The following SPATA17 variants were observed in gnomAD, a reference collection of about 807,000 sequenced individuals.
SPATA17 encodes the protein spermatogenesis associated 17.
In SPATA17, 53 loss-of-function variants were observed where a neutral mutation model predicts 62.2. That is an observed-to-expected ratio of 0.85 (90% CI 0.68 to 1.07). The LOEUF is 1.07. Ranked by LOEUF, SPATA17 falls within the 50% of genes least tolerant of loss-of-function variation. The pLI is 0.00. For synonymous variants in SPATA17, 146 were observed against 146.8 expected (o/e 0.99, Z 0.04); for missense variants, 466 against 425.5 (o/e 1.10, Z -0.84).
At chr1:217,826,778 A>G (rs562322198) in intron 9 of SPATA17, among the ~76,000 whole-genome samples, 2 of 152,228 alleles carry the variant, frequency 1.3e-5, no homozygotes, top group African/African-American at 4.8e-5. Context: ...ATGAAATTGC[A>G]TTCCGAAGTG....
chr1:217,856,866 G>C (rs985924629), intron 9 of SPATA17, among the ~76,000 whole-genome samples: 1 of 152,156 alleles, frequency 6.6e-6, no homozygotes, highest in Non-Finnish European at 1.5e-5. Flanking sequence ...ATAATGCCGG[G>C]TGATCTTTTA....
chr1:217,779,635 CT>C (rs926825282), intron 7 of SPATA17, among the ~76,000 whole-genome samples: 28 of 149,706 alleles, frequency 1.9e-4, no homozygotes, highest in East Asian at 7.8e-4. Flanking sequence ...TCCCTTCTTC[CT>C]TTTTTTTTCC....
chr1:217,646,461 T>A (rs1196301669), intron 1 of SPATA17, among the ~76,000 whole-genome samples: 4 of 152,210 alleles, frequency 2.6e-5, no homozygotes, highest in Non-Finnish European at 2.9e-5. Context: ...TGCTACCTTT[T>A]CCCACAAAGT....
At chr1:217,715,900 A>G (rs1056220061) in intron 5 of SPATA17, among the ~76,000 whole-genome samples, 1 of 152,206 alleles carries the variant, frequency 6.6e-6, no homozygotes, top group African/African-American at 2.4e-5. Flanking sequence ...TTTGTGTTAA[A>G]TGCTGTCTTT....
intron 8 of SPATA17, chr1:217,785,226 A>G (rs763099747): frequency 6.6e-6 from 1 of 152,242 alleles, no homozygotes; most frequent in South Asian, 2.1e-4. Context: ...CTACTCCAGT[A>G]TGACCTCATC....
chr1:217,640,566 G>A (rs990479131), intron 1 of SPATA17, among the ~76,000 whole-genome samples: 1 of 152,028 alleles, frequency 6.6e-6, no homozygotes, highest in South Asian at 2.1e-4. Flanking sequence ...TAAGTTGTGT[G>A]TAAGAGTATT....
chr1:217,644,011 G>GC (rs1195574515), intron 1 of SPATA17, among the ~76,000 whole-genome samples: 1 of 152,150 alleles, frequency 6.6e-6, no homozygotes, highest in Non-Finnish European at 1.5e-5. Flanking sequence ...ACAGGTGTGA[G>GC]CCACCGCACA....
At chr1:217,772,375 C>T (rs746944627) in intron 6 of SPATA17, among the ~76,000 whole-genome samples, 6 of 151,922 alleles carry the variant, frequency 3.9e-5, no homozygotes, top group Non-Finnish European at 8.8e-5. Flanking sequence ...AAAGAAGAGC[C>T]AGTACAAAAA....
At chr1:217,653,782 G>A (rs988355013) in intron 3 of SPATA17, among the ~76,000 whole-genome samples, 34 of 152,080 alleles carry the variant, frequency 2.2e-4, no homozygotes, top group Non-Finnish European at 4.7e-4. Context: ...TTGAATGCCA[G>A]GGATTTTGGT....
intron 8 of SPATA17, among the ~76,000 whole-genome samples, chr1:217,791,118 A>G (rs879816709): frequency 1.3e-5 from 2 of 152,226 alleles, no homozygotes; most frequent in African/African-American, 2.4e-5. Context: ...TGCAACATTT[A>G]TTAATCAGCA....
chr1:217,777,761 C>G (rs944183044), intron 7 of SPATA17, among the ~76,000 whole-genome samples: 1 of 152,016 alleles, frequency 6.6e-6, no homozygotes, highest in African/African-American at 2.4e-5. Context: ...TCTGATCATT[C>G]GTTCCTTTAC....
At chr1:217,680,442 CCTT>C (rs1671054043) in intron 4 of SPATA17, among the ~76,000 whole-genome samples, 3 of 152,044 alleles carry the variant, frequency 2.0e-5, no homozygotes, top group Non-Finnish European at 4.4e-5. Flanking sequence ...TCTATCAATT[CCTT>C]CTTTTTCTTT....
intron 9 of SPATA17, among the ~76,000 whole-genome samples, chr1:217,837,531 T>C (rs1392365968): frequency 2.6e-5 from 4 of 152,116 alleles, no homozygotes; most frequent in African/African-American, 9.7e-5. Context: ...TACTGTTGCA[T>C]GTTGGATGAA....
chr1:217,805,944 C>T lies in SPATA17; in HGVS notation c.1005+4094C>T, dbSNP rs552164400. ...AAAGCTGTGGGAAAACAAACAAGAA[C>T]TACCAAGAAATACCATATAATCAGA... On this transcript the variant is annotated intron_variant, in intron 9 of 10. Transcript: ENST00000366933. 8.7e-4 allele frequency among the ~76,000 whole-genome samples: 133 copies of T among 152,278 alleles called. 1 individual carries two copies. The highest frequency in any genetic ancestry group is 3.1e-3 in the African/African-American group (127 of 41,554).
At chr1:217,786,668 G>A (rs2102979455) in intron 8 of SPATA17, among the ~76,000 whole-genome samples, 2 of 152,206 alleles carry the variant, frequency 1.3e-5, no homozygotes, top group East Asian at 3.9e-4. Context: ...TATGATAGAT[G>A]CAGTGAAACC....
intron 5 of SPATA17, among the ~76,000 whole-genome samples, chr1:217,714,988 G>A (rs999291317): frequency 2.6e-5 from 4 of 152,054 alleles, no homozygotes; most frequent in African/African-American, 9.7e-5. Context: ...AAAAATCTAT[G>A]TATTTATTTA....
At chr1:217,866,104 T>G (rs1179518384) in intron 10 of SPATA17, among the ~76,000 whole-genome samples, 3 of 152,144 alleles carry the variant, frequency 2.0e-5, no homozygotes, top group Non-Finnish European at 2.9e-5. Flanking sequence ...AAAAGTTCTA[T>G]GAGGGGAGAG....
chr1:217,820,220 T>G (rs558115068), intron 9 of SPATA17, among the ~76,000 whole-genome samples: 10 of 152,144 alleles, frequency 6.6e-5, no homozygotes, highest in Non-Finnish European at 1.2e-4. Context: ...TCCTAAACAA[T>G]TAGTCTTTAG....
At chr1:217,806,829 T>C (rs560921551) in intron 9 of SPATA17, among the ~76,000 whole-genome samples, 369 of 152,244 alleles carry the variant, frequency 2.4e-3, no homozygotes, top group Non-Finnish European at 3.8e-3. Context: ...CTGTCTCCAA[T>C]ATAGTCACAT....
Sources: allele counts gnomAD v4.1 joint callset (sites outside exome capture counted in the v4.1 genomes callset), GRCh38; gene constraint gnomAD v4.1.1; transcripts MANE v1.5; gene names NCBI Gene and HGNC (gene_info 2026-07-23, HGNC 2026-07-21).